HAO1: variants seen among roughly 807,000 people sequenced by gnomAD.
The protein encoded by HAO1 is 2-Hydroxyacid oxidase 1.
In HAO1, 34 loss-of-function variants were observed where a neutral mutation model predicts 39.7. The ratio of observed to expected loss-of-function variants is 0.86; its 90% CI spans 0.65 to 1.14. The LOEUF is 1.14. Ranked by LOEUF, HAO1 falls within the 50% of genes most tolerant of loss-of-function variation. The pLI is 0.00. For synonymous variants in HAO1, 172 were observed against 173.2 expected (o/e 0.99, Z 0.05); for missense variants, 479 against 464.5 (o/e 1.03, Z -0.29).
chr20:7,899,168 T>C (rs1266981080), intron 4 of HAO1, among the ~76,000 whole-genome samples: 1 of 151,874 alleles, frequency 6.6e-6, no homozygotes, highest in Non-Finnish European at 1.5e-5. Context: ...CGGACTTAAA[T>C]CCCACATCTG....
chr20:7,916,656 T>C (rs2050308296), intron 2 of HAO1, among the ~76,000 whole-genome samples: 1 of 152,218 alleles, frequency 6.6e-6, no homozygotes, highest in Admixed American at 6.5e-5. Context: ...AGCCATTAGA[T>C]AGTAAAGGTC....
chr20:7,919,355 A>T (rs1300738204), intron 2 of HAO1, among the ~76,000 whole-genome samples: 1 of 152,146 alleles, frequency 6.6e-6, no homozygotes, highest in Non-Finnish European at 1.5e-5. Context: ...CTTTATTCGT[A>T]TGTTTGGCAT....
chr20:7,918,297 T>C (rs1326007544), intron 2 of HAO1, among the ~76,000 whole-genome samples: 1 of 152,238 alleles, frequency 6.6e-6, no homozygotes, highest in East Asian at 1.9e-4. Context: ...TTATTTTTAA[T>C]ACAGTTTTAT....
Position 7,904,537 on chromosome 20 carries a change from C to G in HAO1, c.721+1617G>C, listed in dbSNP as rs2294301. 0.25 allele frequency among the ~76,000 whole-genome samples: 37,906 copies of G among 152,052 alleles called. 5,493 individuals carry two copies. The highest frequency in any genetic ancestry group is 0.56 in the East Asian group (2,892 of 5,170). On this transcript the variant is annotated intron_variant, in intron 4 of 7. Transcript: ENST00000378789. ...ATTGGCTTGATATCATGGCAAAACT[C>G]AAGCATCATCTTTCATTCTGAAAAG...
chr20:7,903,865 G>A (rs1361892350), intron 4 of HAO1, among the ~76,000 whole-genome samples: 1 of 128,500 alleles, frequency 7.8e-6, no homozygotes, highest in African/African-American at 4.2e-5. Flanking sequence ...TAGCGGTGGT[G>A]GTGGTGGTGG....
At chr20:7,940,017 C>T (rs1432388350) in intron 1 of HAO1, among the ~76,000 whole-genome samples, 1 of 152,170 alleles carries the variant, frequency 6.6e-6, no homozygotes, top group Admixed American at 6.6e-5. Flanking sequence ...GCTATTTTTA[C>T]ATGTAGTTAA....
chr20:7,913,448 A>G (rs965324043), intron 3 of HAO1, among the ~76,000 whole-genome samples: 1 of 152,214 alleles, frequency 6.6e-6, no homozygotes, highest in African/African-American at 2.4e-5. Flanking sequence ...AAAGAGGTGT[A>G]TAGCTTAAGG....
intron 3 of HAO1, among the ~76,000 whole-genome samples, chr20:7,910,309 C>A (rs1435005081): frequency 6.6e-6 from 1 of 152,118 alleles, no homozygotes; most frequent in Non-Finnish European, 1.5e-5. Context: ...GTATGGTAAC[C>A]AGCGTTGGCA....
intron 7 of HAO1, among the ~76,000 whole-genome samples, chr20:7,885,282 C>T (rs1451972141): frequency 6.6e-6 from 1 of 152,130 alleles, no homozygotes; most frequent in Non-Finnish European, 1.5e-5. Context: ...GTTACAACCA[C>T]CTCCAAGTAC....
At chr20:7,926,401 T>C (rs183465426) in intron 2 of HAO1, among the ~76,000 whole-genome samples, 1 of 152,262 alleles carries the variant, frequency 6.6e-6, no homozygotes, top group East Asian at 1.9e-4. Context: ...TAGGTAAAAT[T>C]GAGAATAATG....
chr20:7,925,854 T>G (rs2050356822), intron 2 of HAO1, among the ~76,000 whole-genome samples: 1 of 152,180 alleles, frequency 6.6e-6, no homozygotes, highest in African/African-American at 2.4e-5. Context: ...ATTCGATGAC[T>G]GTCTTTAATA....
At chr20:7,919,353 G>A (rs964818170) in intron 2 of HAO1, among the ~76,000 whole-genome samples, 10 of 152,018 alleles carry the variant, frequency 6.6e-5, no homozygotes, top group Non-Finnish European at 8.8e-5. Context: ...GACTTTATTC[G>A]TATGTTTGGC....
intron 3 of HAO1, among the ~76,000 whole-genome samples, chr20:7,908,836 G>A (rs1327880678): frequency 6.6e-6 from 1 of 152,090 alleles, no homozygotes; most frequent in Non-Finnish European, 1.5e-5. Flanking sequence ...ACCCTAATTT[G>A]AATAAAGCTA....
At chr20:7,918,257 C>G (rs574120801) in intron 2 of HAO1, among the ~76,000 whole-genome samples, 206 of 152,144 alleles carry the variant, frequency 1.4e-3, no homozygotes, top group African/African-American at 4.5e-3. Flanking sequence ...TTTGCTATGA[C>G]AAAGGAAAAT....
intron 2 of HAO1, among the ~76,000 whole-genome samples, chr20:7,923,912 A>T (rs187317299): frequency 1.3e-5 from 2 of 152,120 alleles, no homozygotes; most frequent in African/African-American, 4.8e-5. Context: ...TCCTGAGCAA[A>T]GTTGGGGCTC....
rs756232455 is a variant in HAO1 at position 7,895,226 on chromosome 20, T to A, written c.722-2A>T. ...TAACAGCCTCCCTGGCATCATCACC[T>A]GGAGAGAGTAAAACAAGCACCTTAG... On this transcript the variant is annotated splice_acceptor_variant, in intron 4 of 7. Coordinates refer to ENST00000378789, the MANE Select transcript of HAO1 (RefSeq NM_017545.3). LOFTEE classifies it high-confidence loss of function. 7 of 1,595,530 alleles carry A rather than the reference T, an allele frequency of 4.4e-6. No individual in the cohort carries two copies. In the Admixed American group the frequency reaches 5.0e-5, roughly 11 times the overall value.
chr20:7,910,150 A>G (rs1346046671), intron 3 of HAO1, among the ~76,000 whole-genome samples: 2 of 152,244 alleles, frequency 1.3e-5, no homozygotes, highest in Non-Finnish European at 2.9e-5. Flanking sequence ...ATAAATAAAT[A>G]AAACAGTTAA....
chr20:7,920,560 A>G (rs143110650), intron 2 of HAO1, among the ~76,000 whole-genome samples: 8 of 152,196 alleles, frequency 5.3e-5, no homozygotes, highest in African/African-American at 1.9e-4. Context: ...ACTTTGATCA[A>G]TATGTCACTT....
chr20:7,887,890 C>T (rs189752003), intron 5 of HAO1, among the ~76,000 whole-genome samples: 5 of 152,242 alleles, frequency 3.3e-5, no homozygotes, highest in Non-Finnish European at 5.9e-5. Context: ...TGTTTCAATC[C>T]TCCCTTTTTT....
Sources: allele counts gnomAD v4.1 joint callset (sites outside exome capture counted in the v4.1 genomes callset), GRCh38; gene constraint gnomAD v4.1.1; transcripts MANE v1.5; gene names NCBI Gene and HGNC (gene_info 2026-07-23, HGNC 2026-07-21).